Variants in BLTP3B observed in about 807,000 individuals in gnomAD.
BLTP3B encodes bridge-like lipid transfer protein family member 3B, also known as UHRF1 (ICBP90) binding protein 1-like.
chr12:100,081,862 T>G, the BLTP3B span, among the ~76,000 whole-genome samples: 1 of 152,238 alleles, frequency 6.6e-6, no homozygotes, highest in Non-Finnish European at 1.5e-5. Flanking sequence ...TGAATAGTGC[T>G]GCCATGAACA....
At chr12:100,084,003 A>G in the BLTP3B span, among the ~76,000 whole-genome samples, 1 of 152,112 alleles carries the variant, frequency 6.6e-6, no homozygotes. Flanking sequence ...ACCCTGGCCA[A>G]CACAGTGAAA....
At chr12:100,083,087 A>G in the BLTP3B span, 9 of 1,613,764 alleles carry the variant, frequency 5.6e-6, no homozygotes, top group East Asian at 1.8e-4. Context: ...GATTGTTGAG[A>G]TAATACTGAA....
the BLTP3B span, chr12:100,050,134 T>C: frequency 1.8e-5 from 26 of 1,438,106 alleles, no homozygotes; most frequent in African/African-American, 3.0e-4. Flanking sequence ...ATTAAACCAT[T>C]GTATATGAAA....
At chr12:100,080,349 CTTTT>C in the BLTP3B span, among the ~76,000 whole-genome samples, 3 of 141,194 alleles carry the variant, frequency 2.1e-5, no homozygotes, top group Non-Finnish European at 4.7e-5. Flanking sequence ...GAACCCATCT[CTTTT>C]TTTTTTTTTT....
At chr12:100,130,799 C>A in the BLTP3B span, among the ~76,000 whole-genome samples, 2 of 152,022 alleles carry the variant, frequency 1.3e-5, no homozygotes, top group Non-Finnish European at 2.9e-5. Flanking sequence ...TGGCAAGCAC[C>A]TGTAATCCCA....
At chr12:100,129,373 T>G in the BLTP3B span, among the ~76,000 whole-genome samples, 6 of 152,192 alleles carry the variant, frequency 3.9e-5, no homozygotes, top group African/African-American at 1.4e-4. Context: ...CCAATTTATG[T>G]TCTATGTATT....
the BLTP3B span, chr12:100,072,537 G>C: frequency 1.3e-6 from 1 of 784,228 alleles, no homozygotes; most frequent in South Asian, 2.5e-5. Flanking sequence ...TGAGATGCTA[G>C]CTCTCAAAAA....
the BLTP3B span, among the ~76,000 whole-genome samples, chr12:100,069,621 A>G: frequency 6.6e-6 from 1 of 152,148 alleles, no homozygotes; most frequent in East Asian, 1.9e-4. Context: ...AAAACTAAAC[A>G]TCGTATGTTC....
the BLTP3B span, among the ~76,000 whole-genome samples, chr12:100,063,705 CAAAAA>C: frequency 1.1e-5 from 1 of 89,018 alleles, no homozygotes. Flanking sequence ...AACTCCGTCT[CAAAAA>C]AAAAAAAAAA....
the BLTP3B span, among the ~76,000 whole-genome samples, chr12:100,039,300 A>C: frequency 2.0e-5 from 3 of 152,192 alleles, no homozygotes; most frequent in Non-Finnish European, 2.9e-5. Flanking sequence ...AATTTTGTTA[A>C]ACAATTAAGT....
At chr12:100,037,540 T>C in the BLTP3B span, 1 of 1,547,610 alleles carries the variant, frequency 6.5e-7, no homozygotes, top group East Asian at 2.3e-5. Context: ...TGTCTTTTCA[T>C]GAAAATAAAA....
chr12:100,051,170 T>A, the BLTP3B span: 1 of 1,614,136 alleles, frequency 6.2e-7, no homozygotes, highest in Admixed American at 1.7e-5. Context: ...TGCACCAGCA[T>A]TCACACTTTC....
At chr12:100,103,916 A>G in the BLTP3B span, 2 of 1,601,292 alleles carry the variant, frequency 1.2e-6, no homozygotes. Flanking sequence ...AACTCACCAA[A>G]CAGATGGGAT....
the BLTP3B span, among the ~76,000 whole-genome samples, chr12:100,055,494 T>C: frequency 7.9e-5 from 12 of 151,846 alleles, no homozygotes; most frequent in Non-Finnish European, 1.3e-4. Flanking sequence ...CTGGCCATCA[T>C]GGTGAAACCT....
chr12:100,080,430 G>A, the BLTP3B span, among the ~76,000 whole-genome samples: 1 of 150,866 alleles, frequency 6.6e-6, no homozygotes, highest in Non-Finnish European at 1.5e-5. Flanking sequence ...TCAGCTCACT[G>A]TAAGCTCCGC....
the BLTP3B span, chr12:100,059,931 C>G: frequency 6.2e-7 from 1 of 1,612,880 alleles, no homozygotes; most frequent in Non-Finnish European, 8.5e-7. Context: ...CAGCCATGAA[C>G]TGATTAAGAC....
chr12:100,127,347 C>A, the BLTP3B span, among the ~76,000 whole-genome samples: 1 of 152,168 alleles, frequency 6.6e-6, no homozygotes, highest in African/African-American at 2.4e-5. Flanking sequence ...TCAATGCAGG[C>A]AAGAACGTAA....
the BLTP3B span, among the ~76,000 whole-genome samples, chr12:100,085,055 T>G: frequency 3.3e-4 from 50 of 152,158 alleles, no homozygotes; most frequent in African/African-American, 1.2e-3. Flanking sequence ...AACAAAAACC[T>G]AAACCACAAA....
the BLTP3B span, among the ~76,000 whole-genome samples, chr12:100,122,152 A>G: frequency 6.6e-6 from 1 of 152,158 alleles, no homozygotes; most frequent in Non-Finnish European, 1.5e-5. Flanking sequence ...ATAAAATACA[A>G]TGGAATAAAA....
Sources: gnomAD v4.1 joint callset for allele counts (sites outside exome capture counted in the v4.1 genomes callset) on GRCh38, gnomAD v4.1.1 for gene constraint, MANE v1.5 for transcripts, NCBI Gene and HGNC (gene_info 2026-07-23, HGNC 2026-07-21) for gene names.